The following PAPPA2 variants were observed in gnomAD, a reference collection of about 807,000 sequenced individuals.
PAPPA2 encodes pappalysin 2, also known as pappalysin-2.
PAPPA2 carries 86 observed loss-of-function variants against 176.4 expected under a neutral mutation model. The observed-to-expected ratio is 0.49, with a 90% CI of 0.41 to 0.58. The LOEUF (loss-of-function observed/expected upper bound fraction) is 0.58, where lower values mean the gene tolerates loss of function less well. Among genes scored for constraint, PAPPA2 ranks in the 20% least tolerant of loss-of-function variants. PAPPA2 has a pLI of 0.00. For missense variants in PAPPA2, 2,073 were observed against 2,256.9 expected (o/e 0.92, Z 1.65); for synonymous variants, 809 against 852.2 (o/e 0.95, Z 0.88).
chr1:176,513,204 A>G (rs1025095711), intron 1 of PAPPA2, among the ~76,000 whole-genome samples: 1 of 151,890 alleles, frequency 6.6e-6, no homozygotes, highest in South Asian at 2.1e-4. Flanking sequence ...CACCATCTAT[A>G]TCTTCTACTG....
intron 12 of PAPPA2, among the ~76,000 whole-genome samples, chr1:176,730,790 A>C (rs955353217): frequency 1.3e-5 from 2 of 152,012 alleles, no homozygotes; most frequent in Non-Finnish European, 2.9e-5. Flanking sequence ...GTGACATATA[A>C]GGATTTTATT....
intron 2 of PAPPA2, among the ~76,000 whole-genome samples, chr1:176,561,066 T>A (rs1022166344): frequency 2.0e-5 from 3 of 152,220 alleles, no homozygotes; most frequent in African/African-American, 7.2e-5. Context: ...TTAGAGTATA[T>A]GCTTGTGTAG....
Position 176,556,894 on chromosome 1 carries a change from G to C in PAPPA2, c.572G>C (p.Gly191Ala). Residue 191 changes from glycine (G) to alanine (A), a missense_variant, in exon 2 of 23, where the codon GGC becomes GCC. Physicochemically the swap from Gly to Ala is moderately conservative, Grantham distance 60. This residue lies in a region of PAPPA2 where 1,196 missense variants were observed against 1,330.4 expected (regional missense o/e 0.90). Transcript: ENST00000367662. ...NEPKPETQRRGWAKSRQRRQV... is the reference protein window; with the variant it reads ...NEPKPETQRRAWAKSRQRRQV... ...CCCAAACCAGAGACCCAAAGGAGGG[G>C]CTGGGCCAAGTCCAGGCAGCGTCGC... 6 of 1,614,148 alleles carry C rather than the reference G, an allele frequency of 3.7e-6. No individual in the cohort carries two copies. The highest frequency in any genetic ancestry group is 5.1e-6 in the Non-Finnish European group (6 of 1,180,026).
chr1:176,737,435 T>C (rs886392223), intron 12 of PAPPA2, among the ~76,000 whole-genome samples: 2 of 152,220 alleles, frequency 1.3e-5, no homozygotes, highest in Admixed American at 6.5e-5. Context: ...GGGTTCACAC[T>C]TTCTTGTGCT....
chr1:176,560,507 G>A (rs576653359), intron 2 of PAPPA2, among the ~76,000 whole-genome samples: 22 of 152,284 alleles, frequency 1.4e-4, no homozygotes, highest in African/African-American at 4.8e-4. Flanking sequence ...CAAGGTGTAG[G>A]AGAGGACTGT....
chr1:176,694,958 G>C (rs1022299544), intron 6 of PAPPA2, among the ~76,000 whole-genome samples: 1 of 152,182 alleles, frequency 6.6e-6, no homozygotes, highest in Non-Finnish European at 1.5e-5. Flanking sequence ...AGGGAGTACT[G>C]GTCACTCAGA....
rs1432971663 is a variant in PAPPA2 at position 176,844,313 on chromosome 1, G to A, written c.*1859G>A. 1 of 152,072 alleles carries A rather than the reference G, an allele frequency of 6.6e-6. No individual in the cohort carries two copies. Among genetic ancestry groups the A allele is most frequent in the African/African-American group, 2.4e-5 (1 of 41,406 alleles). The allele number at this position is 152,072 out of a possible 1,614,324, so 9.4% of individuals were successfully genotyped here. On this transcript the variant is annotated 3_prime_UTR_variant, in exon 23 of 23. Coordinates refer to ENST00000367662, the MANE Select transcript of PAPPA2 (RefSeq NM_020318.3). ...CTCTTCCCATCAACACTAGAGCAAT[G>A]GCTGTGCAAATAGGAATAGGAAATA...
intron 1 of PAPPA2, among the ~76,000 whole-genome samples, chr1:176,553,895 T>C (rs536088547): frequency 2.6e-5 from 4 of 152,008 alleles, no homozygotes; most frequent in Non-Finnish European, 5.9e-5. Flanking sequence ...TCTCTCTCTC[T>C]CCCCTCTGCT....
At chr1:176,507,855 A>G (rs1453983813) in intron 1 of PAPPA2, among the ~76,000 whole-genome samples, 2 of 152,086 alleles carry the variant, frequency 1.3e-5, no homozygotes, top group African/African-American at 2.4e-5. Context: ...ACCTGAGTGC[A>G]ATATACCCAT....
At chr1:176,679,062 G>A (rs1659452462) in intron 4 of PAPPA2, among the ~76,000 whole-genome samples, 2 of 151,830 alleles carry the variant, frequency 1.3e-5, no homozygotes, top group South Asian at 4.2e-4. Context: ...TATATATATG[G>A]AACAGGAAAA....
intron 14 of PAPPA2, among the ~76,000 whole-genome samples, chr1:176,743,313 C>T (rs1164198376): frequency 6.6e-6 from 1 of 152,160 alleles, no homozygotes; most frequent in Non-Finnish European, 1.5e-5. Context: ...TTCCCTGGTT[C>T]CTTTAACTTG....
At chr1:176,489,820 C>T (rs562237401) in intron 1 of PAPPA2, among the ~76,000 whole-genome samples, 4 of 152,240 alleles carry the variant, frequency 2.6e-5, no homozygotes, top group Non-Finnish European at 4.4e-5. Context: ...GAGACTTATT[C>T]GTTTATATAT....
intron 14 of PAPPA2, among the ~76,000 whole-genome samples, chr1:176,759,026 C>A (rs921416146): frequency 6.6e-6 from 1 of 152,226 alleles, no homozygotes. Flanking sequence ...AGACCAGAAC[C>A]CAAGTCATGT....
At chr1:176,624,973 C>T (rs1655923991) in intron 3 of PAPPA2, among the ~76,000 whole-genome samples, 1 of 152,142 alleles carries the variant, frequency 6.6e-6, no homozygotes, top group Non-Finnish European at 1.5e-5. Context: ...CCAAGGGGCA[C>T]TGAGCCTTCC....
intron 21 of PAPPA2, among the ~76,000 whole-genome samples, chr1:176,805,362 C>G (rs542340214): frequency 6.6e-6 from 1 of 152,252 alleles, no homozygotes; most frequent in African/African-American, 2.4e-5. Flanking sequence ...CCTATTCTTT[C>G]CAGCAGTCTC....
In PAPPA2 at chr1:176,711,817, G is replaced by A; in HGVS notation, c.3652-18G>A. 6.3e-7 allele frequency: 1 copy of A among 1,587,954 alleles called. No homozygotes were observed. The highest frequency in any genetic ancestry group is 8.6e-7 in the Non-Finnish European group (1 of 1,157,822). On this transcript the variant is annotated intron_variant, in intron 11 of 22. Coordinates refer to ENST00000367662, the MANE Select transcript of PAPPA2 (RefSeq NM_020318.3). ...TCACACTCCACACTTCAAATTGTTG[G>A]TTGAAATTGTATTTCAGATTTGCAC...
intron 3 of PAPPA2, among the ~76,000 whole-genome samples, chr1:176,633,913 G>C (rs1656502154): frequency 6.6e-6 from 1 of 152,172 alleles, no homozygotes; most frequent in Non-Finnish European, 1.5e-5. Context: ...ACACCAGTTA[G>C]AATGGCGATC....
chr1:176,831,581 C>T (rs1269026185), intron 21 of PAPPA2, among the ~76,000 whole-genome samples: 1 of 152,192 alleles, frequency 6.6e-6, no homozygotes, highest in East Asian at 1.9e-4. Flanking sequence ...CAAGACCACT[C>T]ATATAGAACT....
intron 1 of PAPPA2, among the ~76,000 whole-genome samples, chr1:176,509,059 A>G (rs1374208628): frequency 6.6e-6 from 1 of 151,888 alleles, no homozygotes; most frequent in Non-Finnish European, 1.5e-5. Context: ...ATGTATAATT[A>G]GAGTTTATTA....
Sources: gnomAD v4.1 joint callset for allele counts (sites outside exome capture counted in the v4.1 genomes callset) on GRCh38, gnomAD v4.1.1 for gene constraint, gnomAD v4.1.1 regional missense constraint, MANE v1.5 for transcripts, NCBI Gene and HGNC (gene_info 2026-07-23, HGNC 2026-07-21) for gene names.